CNGB3: variants seen among roughly 807,000 people sequenced by gnomAD.
CNGB3 encodes the protein cyclic nucleotide gated channel subunit beta 3, also known as cyclic nucleotide-gated channel beta-3.
A neutral mutation model predicts 92.8 loss-of-function variants in CNGB3; 86 were observed. The observed-to-expected ratio is 0.93, with a 90% CI of 0.78 to 1.11. The LOEUF is 1.11. Ranked by LOEUF, CNGB3 falls within the 50% of genes least tolerant of loss-of-function variation. The pLI is 0.00. For synonymous variants in CNGB3, 333 were observed against 332.7 expected, an observed-to-expected ratio of 1.00 and a Z score of -0.01; for missense variants, 1,026 against 956.8, an observed-to-expected ratio of 1.07 and a Z score of -0.95.
At chr8:86,716,626 C>T (rs1440074769) in intron 3 of CNGB3, among the ~76,000 whole-genome samples, 3 of 152,132 alleles carry the variant, frequency 2.0e-5, no homozygotes, top group African/African-American at 7.2e-5. Flanking sequence ...AACTAAGCAT[C>T]ATGAAAGAAG....
intron 13 of CNGB3, among the ~76,000 whole-genome samples, chr8:86,614,360 C>T (rs1822575093): frequency 6.6e-6 from 1 of 152,122 alleles, no homozygotes; most frequent in African/African-American, 2.4e-5. Flanking sequence ...GAACTCATGT[C>T]TGCTTGCTGT....
At position 86,575,454 on chromosome 8, in the gene CNGB3, G is replaced by A; in HGVS notation, c.*350C>T. Reference sequence around the variant, plus strand: ...AGAAATTAAACACAATAAAAATTAAGAGAAAAGGTTAGTGAATCACATCAC... The same window carrying A: ...AGAAATTAAACACAATAAAAATTAAAAGAAAAGGTTAGTGAATCACATCAC... On this transcript the variant is annotated 3_prime_UTR_variant, in exon 18 of 18. Transcript: ENST00000320005. 5.2e-6 allele frequency: 1 copy of A among 192,898 alleles called. No homozygotes were observed. The highest frequency in any genetic ancestry group is 1.0e-5 in the Non-Finnish European group (1 of 95,342). The allele number at this position is 192,898 out of a possible 1,614,324, so 11.9% of individuals were successfully genotyped here.
rs201794629 is a variant in CNGB3 at position 86,667,134 on chromosome 8, C to G, written c.644-1G>C. 1.8e-5 allele frequency: 29 copies of G among 1,613,178 alleles called. No individual in the cohort carries two copies. The highest frequency in any genetic ancestry group is 4.2e-6 in the Non-Finnish European group (5 of 1,179,454). On this transcript the variant is annotated splice_acceptor_variant, in intron 5 of 17. Coordinates refer to ENST00000320005, the MANE Select transcript of CNGB3 (RefSeq NM_019098.5). LOFTEE classifies it high-confidence loss of function. ...AAGAGCCACAGGAGATAGAGTCGAT[C>G]TGGAAAAACAGCAAGTGGTGAAATC...
At position 86,668,054 on chromosome 8, in the gene CNGB3, C is replaced by A; in HGVS notation, c.608G>T (p.Arg203Leu). ...KKMPLTEYLK[R>L]IKLPNSIDSY... ...ATCTATGCTGTTTGGAAGTTTAATT[C>A]GCTTTAAGTACTCTGTTAAAGGCAT... Residue 203 changes from arginine to leucine, a missense_variant, in exon 5 of 18, where the codon CGA becomes CTA. By Grantham distance (102) the Arg-to-Leu change is moderately radical. Coordinates refer to ENST00000320005, the MANE Select transcript of CNGB3 (RefSeq NM_019098.5). 1.2e-6 allele frequency: 2 copies of A among 1,613,812 alleles called. No homozygotes were observed. The highest frequency in any genetic ancestry group is 2.2e-5 in the South Asian group (2 of 91,060).
intron 3 of CNGB3, among the ~76,000 whole-genome samples, chr8:86,683,162 A>G (rs1285125398): frequency 6.6e-6 from 1 of 152,170 alleles, no homozygotes; most frequent in Non-Finnish European, 1.5e-5. Flanking sequence ...AACAGCACCT[A>G]ATAAGGAAAG....
intron 11 of CNGB3, among the ~76,000 whole-genome samples, chr8:86,631,360 C>T (rs1274563259): frequency 6.6e-6 from 1 of 152,084 alleles, no homozygotes; most frequent in Non-Finnish European, 1.5e-5. Context: ...ATGTGAAAAT[C>T]GTCTTGCACA....
chr8:86,648,778 T>C (rs1180714183), intron 7 of CNGB3, among the ~76,000 whole-genome samples: 1 of 150,890 alleles, frequency 6.6e-6, no homozygotes, highest in Non-Finnish European at 1.5e-5. Flanking sequence ...ACATATAAAA[T>C]AGAGAGCTGA....
chr8:86,585,942 C>A (rs2131540564), intron 15 of CNGB3, among the ~76,000 whole-genome samples: 1 of 152,204 alleles, frequency 6.6e-6, no homozygotes, highest in African/African-American at 2.4e-5. Flanking sequence ...CAGACATGAT[C>A]AATGGTATAC....
intron 3 of CNGB3, among the ~76,000 whole-genome samples, chr8:86,676,758 A>G (rs1050374561): frequency 9.2e-5 from 14 of 152,140 alleles, no homozygotes; most frequent in Non-Finnish European, 1.3e-4. Flanking sequence ...AGATTTAACT[A>G]TTTAAGTTAA....
At chr8:86,618,027 T>C (rs1163023564) in intron 13 of CNGB3, among the ~76,000 whole-genome samples, 1 of 152,130 alleles carries the variant, frequency 6.6e-6, no homozygotes, top group African/African-American at 2.4e-5. Context: ...CTGGGGGTGA[T>C]GGGAGACAGT....
intron 12 of CNGB3, among the ~76,000 whole-genome samples, chr8:86,627,852 C>T (rs1429096282): frequency 1.3e-5 from 2 of 152,144 alleles, no homozygotes; most frequent in Non-Finnish European, 2.9e-5. Flanking sequence ...CACAGGTCCA[C>T]TTATACAAGA....
At chr8:86,673,332 T>C (rs572813895) in intron 3 of CNGB3, among the ~76,000 whole-genome samples, 22 of 152,340 alleles carry the variant, frequency 1.4e-4, no homozygotes, top group African/African-American at 5.3e-4. Flanking sequence ...GACTGTCTTT[T>C]AGGCATGGAG....
intron 1 of CNGB3, among the ~76,000 whole-genome samples, chr8:86,740,622 CAGA>C (rs1296824893): frequency 6.6e-6 from 1 of 152,068 alleles, no homozygotes; most frequent in Non-Finnish European, 1.5e-5. Flanking sequence ...AGGCAGGGAC[CAGA>C]AGGACACTGA....
At chr8:86,617,135 A>G (rs926397476) in intron 13 of CNGB3, among the ~76,000 whole-genome samples, 1 of 152,234 alleles carries the variant, frequency 6.6e-6, no homozygotes, top group Non-Finnish European at 1.5e-5. Context: ...TTGATTCACA[A>G]CAGAGCCATA....
At chr8:86,695,476 A>G (rs893302228) in intron 3 of CNGB3, among the ~76,000 whole-genome samples, 1 of 151,976 alleles carries the variant, frequency 6.6e-6, no homozygotes, top group Non-Finnish European at 1.5e-5. Context: ...TGTATTTTGC[A>G]TTTCTCTAAG....
At chr8:86,641,914 G>T (rs1268072330) in intron 10 of CNGB3, among the ~76,000 whole-genome samples, 1 of 151,824 alleles carries the variant, frequency 6.6e-6, no homozygotes, top group African/African-American at 2.4e-5. Context: ...GGCTACCTGG[G>T]CTATGATGTA....
chr8:86,659,651 C>T (rs944197147), intron 6 of CNGB3: 5 of 481,632 alleles, frequency 1.0e-5, no homozygotes, highest in Non-Finnish European at 2.1e-5. Context: ...CTGGCCAGAT[C>T]CTTTGACTCT....
chr8:86,724,292 A>G (rs1443154527), intron 3 of CNGB3, among the ~76,000 whole-genome samples: 1 of 152,150 alleles, frequency 6.6e-6, no homozygotes, highest in African/African-American at 2.4e-5. Flanking sequence ...TTACAGCCTC[A>G]TGTTTTTTCC....
intron 3 of CNGB3, among the ~76,000 whole-genome samples, chr8:86,672,791 T>C (rs140430939): frequency 1.3e-5 from 2 of 152,344 alleles, no homozygotes; most frequent in East Asian, 3.9e-4. Flanking sequence ...TCTTACCTTC[T>C]TATTATCATG....
Sources: allele counts gnomAD v4.1 joint callset (sites outside exome capture counted in the v4.1 genomes callset), GRCh38; gene constraint gnomAD v4.1.1; transcripts MANE v1.5; gene names NCBI Gene and HGNC (gene_info 2026-07-23, HGNC 2026-07-21).